PTPRJ: variants seen among roughly 807,000 people sequenced by gnomAD.
PTPRJ encodes the protein receptor-type tyrosine-protein phosphatase eta.
PTPRJ carries 129 observed loss-of-function variants against 141.3 expected under a neutral mutation model. That is an observed-to-expected ratio of 0.91 (90% CI 0.79 to 1.06). PTPRJ has a LOEUF of 1.06. PTPRJ is among the 50% of genes least tolerant of loss of function. The pLI, the probability that PTPRJ is intolerant of heterozygous loss-of-function variation, is 0.00. For missense variants in PTPRJ, 1,601 were observed against 1,679.7 expected (o/e 0.95, Z 0.82); for synonymous variants, 610 against 640.5 (o/e 0.95, Z 0.72).
At chr11:48,160,171 T>C in intron 22 of PTPRJ, 122 bp downstream of exon 22, 1 of 1,346,590 alleles carries the variant, frequency 7.4e-7, no homozygotes. Flanking sequence ...GTTTTGCTGC[T>C]TTCCTTTCAG....
At chr11:48,059,214 C>T (rs1221052428) in intron 1 of PTPRJ, among the ~76,000 whole-genome samples, 1 of 151,258 alleles carries the variant, frequency 6.6e-6, no homozygotes, top group Non-Finnish European at 1.5e-5. Flanking sequence ...CCTCTGCCTC[C>T]CGGGTTCAAG....
intron 24 of PTPRJ, among the ~76,000 whole-genome samples, chr11:48,166,503 G>A (rs1203652349): frequency 1.3e-5 from 2 of 151,924 alleles, no homozygotes; most frequent in East Asian, 1.9e-4. Context: ...TAGTAGAGAC[G>A]GGGTTTCACC....
intron 1 of PTPRJ, among the ~76,000 whole-genome samples, chr11:48,033,512 G>A (rs548905889): frequency 1.3e-5 from 2 of 152,248 alleles, no homozygotes; most frequent in South Asian, 4.2e-4. Flanking sequence ...ATGTTCCTGG[G>A]ATACAAGTAC....
intron 1 of PTPRJ, among the ~76,000 whole-genome samples, chr11:48,070,510 A>G (rs1855217903): frequency 6.6e-6 from 1 of 151,914 alleles, no homozygotes; most frequent in Non-Finnish European, 1.5e-5. Context: ...CAAAAAAAAA[A>G]AAAAAAAAAG....
chr11:48,116,984 C>T (rs1856580860), intron 3 of PTPRJ, among the ~76,000 whole-genome samples: 1 of 152,134 alleles, frequency 6.6e-6, no homozygotes, highest in African/African-American at 2.4e-5. Context: ...CTTGTACAGC[C>T]CCTGGTATAG....
intron 22 of PTPRJ, among the ~76,000 whole-genome samples, chr11:48,162,710 C>A (rs1271864284): frequency 2.0e-5 from 3 of 152,162 alleles, no homozygotes; most frequent in Non-Finnish European, 4.4e-5. Context: ...TGGTCATTCC[C>A]TGGTATGGGC....
At position 48,168,067 on chromosome 11, in the gene PTPRJ, C is replaced by A; in HGVS notation, c.*705C>A. The A allele has an allele frequency of 6.6e-6, 1 of 152,172 alleles. No homozygotes were observed. The highest frequency in any genetic ancestry group is 1.5e-5 in the Non-Finnish European group (1 of 68,016). The allele number at this position is 152,172 out of a possible 1,614,324, so 9.4% of individuals were successfully genotyped here. ...CTTTGCCCCGACTCCGCTTCCCCTG[C>A]CCCCTGTACATTTGTGCTCCATTTT... is the stretch of plus-strand genomic sequence containing the variant. On this transcript the variant is annotated 3_prime_UTR_variant, in exon 25 of 25. Transcript: ENST00000418331.
chr11:48,062,524 C>A (rs1295676185), intron 1 of PTPRJ, among the ~76,000 whole-genome samples: 1 of 151,040 alleles, frequency 6.6e-6, no homozygotes. Context: ...AAAAAAAAAC[C>A]AAAAAAAACA....
intron 1 of PTPRJ, among the ~76,000 whole-genome samples, chr11:48,078,566 C>T (rs867239621): frequency 3.9e-5 from 6 of 151,994 alleles, no homozygotes; most frequent in African/African-American, 1.5e-4. Flanking sequence ...ATTTAAAAGG[C>T]GGAGTGAGAG....
At chr11:48,022,737 C>G (rs1853687110) in intron 1 of PTPRJ, among the ~76,000 whole-genome samples, 1 of 151,866 alleles carries the variant, frequency 6.6e-6, no homozygotes, top group South Asian at 2.1e-4. Flanking sequence ...CTTGCTTCAG[C>G]CAGAGCAGCG....
chr11:48,078,609 A>C lies in PTPRJ; in HGVS notation c.97-31449A>C, dbSNP rs1445114742. Among the ~76,000 whole-genome samples the C allele has an allele frequency of 3.9e-5, 6 of 152,138 alleles. 1 individual carries two copies. In the East Asian group the frequency reaches 1.2e-3, roughly 29 times the overall value. ...GAAGGCTGGGTAGGAGAGCATTGCT[A>C]CAGTCTAGGAGGGAGGTGGCAGGGG... On this transcript the variant is annotated intron_variant, in intron 1 of 24. Transcript: ENST00000418331.
At position 48,137,154 on chromosome 11, in the gene PTPRJ, G is replaced by A. The variant is rs1828494260; in HGVS notation, c.2025G>A (p.Thr675=). The A allele has an allele frequency of 2.5e-6, 4 of 1,612,712 alleles. No homozygotes were observed. Among genetic ancestry groups the A allele is most frequent in the Admixed American group, 1.7e-5 (1 of 60,006 alleles). Residue 675 remains threonine, a synonymous_variant, in exon 10 of 25, where the codon ACG becomes ACA. Transcript: ENST00000418331. ...CCAGCAACGCAACACAAGTAGTCAC[G>A]GACATTGGAATTACTGACGCTACAG... The part of the protein sequence containing the change: ...GNSSNATQVV[T]DIGITDATVT...
chr11:48,063,199 A>C (rs1854987040), intron 1 of PTPRJ, among the ~76,000 whole-genome samples: 1 of 152,006 alleles, frequency 6.6e-6, no homozygotes, highest in Non-Finnish European at 1.5e-5. Context: ...GTGGTGGCAC[A>C]CGTCTGTAAT....
chr11:48,017,713 C>T (rs766467181), intron 1 of PTPRJ, among the ~76,000 whole-genome samples: 1 of 152,268 alleles, frequency 6.6e-6, no homozygotes, highest in East Asian at 1.9e-4. Flanking sequence ...TGGAAGTGCT[C>T]TGTGTAGGAC....
chr11:48,126,178 G>A (rs999175502), intron 6 of PTPRJ, among the ~76,000 whole-genome samples: 7 of 152,190 alleles, frequency 4.6e-5, no homozygotes, highest in African/African-American at 1.7e-4. Flanking sequence ...GGTCCAGCCA[G>A]GGGAAGGTCC....
intron 1 of PTPRJ, among the ~76,000 whole-genome samples, chr11:48,068,133 T>C (rs1855134503): frequency 6.6e-6 from 1 of 152,078 alleles, no homozygotes; most frequent in Non-Finnish European, 1.5e-5. Flanking sequence ...ATAGACATGT[T>C]AGCGATGGCT....
intron 1 of PTPRJ, among the ~76,000 whole-genome samples, chr11:47,996,239 G>A (rs1336777257): frequency 6.6e-6 from 1 of 151,230 alleles, no homozygotes; most frequent in African/African-American, 2.4e-5. Context: ...GGAGGCTGAG[G>A]CAGGAGAATG....
chr11:48,094,335 T>A (rs1418082100), intron 1 of PTPRJ, among the ~76,000 whole-genome samples: 1 of 152,236 alleles, frequency 6.6e-6, no homozygotes, highest in African/African-American at 2.4e-5. Context: ...TATCTTTTTT[T>A]AGCGAATGGC....
chr11:48,128,877 T>G (rs1856903825), intron 7 of PTPRJ, among the ~76,000 whole-genome samples: 1 of 152,234 alleles, frequency 6.6e-6, no homozygotes, highest in African/African-American at 2.4e-5. Context: ...CTTAGCATTC[T>G]TATAGATGTA....
Sources: gnomAD v4.1 joint callset for allele counts (sites outside exome capture counted in the v4.1 genomes callset) on GRCh38, gnomAD v4.1.1 for gene constraint, MANE v1.5 for transcripts, NCBI Gene and HGNC (gene_info 2026-07-23, HGNC 2026-07-21) for gene names.